The following STUM variants were observed in gnomAD, a reference collection of about 807,000 sequenced individuals.
STUM encodes protein stum homolog.
In STUM, 8 loss-of-function variants were observed where a neutral mutation model predicts 15.3. That is an observed-to-expected ratio of 0.52 (90% CI 0.31 to 0.94). STUM has a LOEUF of 0.94. STUM is among the 40% of genes least tolerant of loss of function. The probability of loss-of-function intolerance (pLI) is 0.05; values close to 1 mark genes in which losing one functional copy is unlikely to be tolerated. For synonymous variants in STUM, 78 were observed against 88.7 expected (o/e 0.88, Z 0.68); for missense variants, 142 against 204.9 (o/e 0.69, Z 1.87).
At position 226,576,729 on chromosome 1, in the gene STUM, C is replaced by T. The variant is rs150851205; in HGVS notation, c.203-20073C>T. On this transcript the variant is annotated intron_variant, in intron 1 of 3. Transcript: ENST00000366788. ...CTCTGTGCCCATTAACATGAGCTGC[C>T]CACTCCCCCCTCCCAGGCCCTGGCA... 2.3e-3 allele frequency among the ~76,000 whole-genome samples: 356 copies of T among 152,216 alleles called. 1 individual carries two copies. Among genetic ancestry groups the T allele is most frequent in the African/African-American group, 8.1e-3 (337 of 41,518 alleles).
intron 1 of STUM, among the ~76,000 whole-genome samples, chr1:226,579,738 C>T (rs1431258264): frequency 6.6e-6 from 1 of 151,886 alleles, no homozygotes; most frequent in Non-Finnish European, 1.5e-5. Flanking sequence ...AATCCATCCT[C>T]CCACCCATCC....
chr1:226,589,738 G>GAACA (rs56932997), intron 1 of STUM, among the ~76,000 whole-genome samples: 7 of 152,126 alleles, frequency 4.6e-5, no homozygotes, highest in Admixed American at 3.9e-4. Flanking sequence ...GCATGCGCAG[G>GAACA]GCCAGCCTCA....
At chr1:226,563,309 C>T (rs1314365760) in intron 1 of STUM, among the ~76,000 whole-genome samples, 1 of 152,216 alleles carries the variant, frequency 6.6e-6, no homozygotes, top group Non-Finnish European at 1.5e-5. Context: ...CAGGGGCTAT[C>T]TGGGGACCAC....
intron 1 of STUM, among the ~76,000 whole-genome samples, chr1:226,562,923 G>A (rs1036644769): frequency 6.6e-6 from 1 of 152,118 alleles, no homozygotes; most frequent in African/African-American, 2.4e-5. Flanking sequence ...ATATATAAGA[G>A]AATATCTTTG....
intron 2 of STUM, chr1:226,597,331 A>C: frequency 2.0e-6 from 1 of 495,860 alleles, no homozygotes; most frequent in Non-Finnish European, 4.1e-6. Flanking sequence ...ACCTAGCAAA[A>C]TCTTAAAACA....
chr1:226,585,766 A>G (rs1382083299), intron 1 of STUM, among the ~76,000 whole-genome samples: 1 of 152,232 alleles, frequency 6.6e-6, no homozygotes, highest in African/African-American at 2.4e-5. Context: ...GTGCCAGCTG[A>G]ATACATGGAA....
rs936788537 is a variant in STUM at position 226,549,469 on chromosome 1, C to T, written c.202+363C>T. ...TCTCTCCGTCGTGTGCATCCGTCCG[C>T]GAGCCCACTTCCCCGAGAGGAATGG... On this transcript the variant is annotated intron_variant, in intron 1 of 3. Coordinates refer to ENST00000366788, the MANE Select transcript of STUM (RefSeq NM_001003665.4). This position sits in a 1 kb window ranked among gnomAD's most constrained non-coding sequence, Gnocchi z 6.8. Among the ~76,000 whole-genome samples, 11 of 152,186 alleles carry T rather than the reference C, an allele frequency of 7.2e-5. No individual in the cohort carries two copies. The highest frequency in any genetic ancestry group is 2.7e-4 in the African/African-American group (11 of 41,448).
In STUM at chr1:226,604,041, C is replaced by T; in HGVS notation, c.*2001C>T. 2 of 152,490 alleles carry T rather than the reference C, an allele frequency of 1.3e-5. No individual in the cohort carries two copies. The highest frequency in any genetic ancestry group is 2.9e-5 in the Non-Finnish European group (2 of 68,220). The allele number at this position is 152,490 out of a possible 1,614,324, so 9.4% of individuals were successfully genotyped here. On this transcript the variant is annotated 3_prime_UTR_variant, in exon 4 of 4. Coordinates refer to ENST00000366788, the MANE Select transcript of STUM (RefSeq NM_001003665.4). The surrounding 1 kb of genome is among the most constrained non-coding windows in gnomAD (Gnocchi z 4.7). ...ATAAAATAGCTTCAGCTGCAGGAAG[C>T]CGCCCCCTCCCATGCCCACCAGCCC...
At position 226,552,853 on chromosome 1, in the gene STUM, T is replaced by C. The variant is rs920537662; in HGVS notation, c.202+3747T>C. On this transcript the variant is annotated intron_variant, in intron 1 of 3. Coordinates refer to ENST00000366788, the MANE Select transcript of STUM (RefSeq NM_001003665.4). This position sits in a 1 kb window ranked among gnomAD's most constrained non-coding sequence, Gnocchi z 4.7. Reference sequence around the variant, plus strand: ...TGTTGCTGTTTTGAGACTTTATTCTTTGTCTATCTGAGTAGATCTTAAACT... The same window carrying C: ...TGTTGCTGTTTTGAGACTTTATTCTCTGTCTATCTGAGTAGATCTTAAACT... Among the ~76,000 whole-genome samples, 1 of 152,236 alleles carries C rather than the reference T, an allele frequency of 6.6e-6. No homozygotes were observed. The highest frequency in any genetic ancestry group is 1.5e-5 in the Non-Finnish European group (1 of 68,048).
rs1328045734 is a variant in STUM, at chr1:226,566,796, C to G, written c.202+17690C>G. On this transcript the variant is annotated intron_variant, in intron 1 of 3. Transcript: ENST00000366788. ...ATGATCAGTAATTCCTACGAAGGAA[C>G]AGATTTTAGATTTTTATAAGTGGGT... Among the ~76,000 whole-genome samples the G allele has an allele frequency of 4.6e-5, 7 of 152,186 alleles. No individual in the cohort carries two copies. The East Asian group carries it at 1.3e-3, about 29-fold the overall frequency.
intron 1 of STUM, among the ~76,000 whole-genome samples, chr1:226,568,813 C>T (rs887945166): frequency 4.6e-5 from 7 of 152,264 alleles, no homozygotes; most frequent in African/African-American, 1.7e-4. Flanking sequence ...CCTCATTGCT[C>T]CAGGGACAGA....
chr1:226,594,339 T>C (rs1668137748), intron 1 of STUM, among the ~76,000 whole-genome samples: 1 of 152,158 alleles, frequency 6.6e-6, no homozygotes, highest in South Asian at 2.1e-4. Context: ...GCACATGGAC[T>C]CAGTTCAGAG....
chr1:226,585,116 G>A (rs1228662097), intron 1 of STUM, among the ~76,000 whole-genome samples: 2 of 152,176 alleles, frequency 1.3e-5, no homozygotes, highest in Non-Finnish European at 2.9e-5. Flanking sequence ...ATAGGGATGA[G>A]TGCCTAGCCT....
At chr1:226,597,087 C>G in intron 2 of STUM, 106 bp downstream of exon 2, 1 of 1,115,424 alleles carries the variant, frequency 9.0e-7, no homozygotes, top group South Asian at 1.3e-5. Context: ...ACCCGCTAAG[C>G]ACGGGCTCTG....
chr1:226,555,220 C>T (rs541770974), intron 1 of STUM, among the ~76,000 whole-genome samples: 4 of 152,220 alleles, frequency 2.6e-5, no homozygotes, highest in African/African-American at 9.7e-5. Flanking sequence ...TGTATTCACA[C>T]CCGCAGTGAT....
chr1:226,594,837 G>A (rs1668151082), intron 1 of STUM, among the ~76,000 whole-genome samples: 1 of 152,128 alleles, frequency 6.6e-6, no homozygotes, highest in Non-Finnish European at 1.5e-5. Context: ...GTATTTTTTA[G>A]TAGAGACAGG....
intron 1 of STUM, among the ~76,000 whole-genome samples, chr1:226,573,793 G>A (rs1271706869): frequency 2.0e-5 from 3 of 151,698 alleles, no homozygotes; most frequent in Admixed American, 6.6e-5. Flanking sequence ...TGTGGTAAGA[G>A]CACCTGAAAT....
chr1:226,565,004 G>GA lies in STUM; in HGVS notation c.202+15899dup, dbSNP rs1436846308. ...TTCCCTATCCTGCTCTGGACCCGAG[G>GA]AGGCCGACCTCTACGGCCTGCATCA... On this transcript the variant is annotated intron_variant, in intron 1 of 3. Coordinates refer to ENST00000366788, the MANE Select transcript of STUM (RefSeq NM_001003665.4). The surrounding 1 kb of genome is among the most constrained non-coding windows in gnomAD (Gnocchi z 4.4). 6.6e-6 allele frequency among the ~76,000 whole-genome samples: 1 copy of GA among 152,184 alleles called. No individual in the cohort carries two copies. The highest frequency in any genetic ancestry group is 1.5e-5 in the Non-Finnish European group (1 of 68,030).
chr1:226,603,296 C>T lies in STUM; in HGVS notation c.*1256C>T, dbSNP rs1668302816. 1 of 152,152 alleles carries T rather than the reference C, an allele frequency of 6.6e-6. No homozygotes were observed. Among genetic ancestry groups the T allele is most frequent in the Non-Finnish European group, 1.5e-5 (1 of 68,024 alleles). The allele number at this position is 152,152 out of a possible 1,614,324, so 9.4% of individuals were successfully genotyped here. On this transcript the variant is annotated 3_prime_UTR_variant, in exon 4 of 4. Coordinates refer to ENST00000366788, the MANE Select transcript of STUM (RefSeq NM_001003665.4). ...GGAGCCCCTCTGTAAGTGATTGGGA[C>T]AGGGCTAGATCCCTAATGGGGGCTA... is the stretch of plus-strand genomic sequence containing the variant.
Sources: allele counts gnomAD v4.1 joint callset (sites outside exome capture counted in the v4.1 genomes callset), GRCh38; gene constraint gnomAD v4.1.1; non-coding constraint Gnocchi (gnomAD v3.1); transcripts MANE v1.5; gene names NCBI Gene and HGNC (gene_info 2026-07-23, HGNC 2026-07-21).